Variants in LRRC74A observed in about 807,000 individuals in gnomAD.
The protein encoded by LRRC74A is leucine rich repeat containing 74A.
Under a neutral mutation model 57.9 loss-of-function variants are expected in LRRC74A, and 44 were observed. That is an observed-to-expected ratio of 0.76 (90% CI 0.60 to 0.98). LRRC74A has a LOEUF of 0.98. Among genes scored for constraint, LRRC74A ranks in the 50% least tolerant of loss-of-function variants. The pLI, the probability that LRRC74A is intolerant of heterozygous loss-of-function variation, is 0.00. For missense variants in LRRC74A, 572 were observed against 574.0 expected, an observed-to-expected ratio of 1.00 and a Z score of 0.04; for synonymous variants, 211 against 219.4, an observed-to-expected ratio of 0.96 and a Z score of 0.34.
intron 11 of LRRC74A, among the ~76,000 whole-genome samples, chr14:76,862,536 C>CAA (rs67527511): frequency 6.9e-6 from 1 of 145,964 alleles, no homozygotes; most frequent in Admixed American, 6.8e-5. Context: ...GACTCTGTCT[C>CAA]AAAAAAAAAA....
rs775542035 is a variant in LRRC74A, at chr14:76,844,412, CCTCA to C, written c.545-8_545-5del. On this transcript the variant is annotated splice_polypyrimidine_tract_variant and splice_region_variant and intron_variant, in intron 5 of 13. Transcript: ENST00000689127. ...TAGCAGTGCATCACTGACACACCACCCTCACTACAGGAAATGACTTCAAGGAAGA... is the reference window on the plus strand; with the variant it reads ...TAGCAGTGCATCACTGACACACCACCCTACAGGAAATGACTTCAAGGAAGA... 14 of 1,611,910 alleles carry C rather than the reference CCTCA, an allele frequency of 8.7e-6. No homozygotes were observed. The highest frequency in any genetic ancestry group is 4.0e-5 in the African/African-American group (3 of 74,982).
intron 9 of LRRC74A, among the ~76,000 whole-genome samples, chr14:76,853,661 A>G (rs1897681590): frequency 1.3e-5 from 2 of 151,816 alleles, no homozygotes; most frequent in Admixed American, 1.3e-4. Flanking sequence ...CCTTCCTCCC[A>G]TCTGGGTCTC....
intron 7 of LRRC74A, among the ~76,000 whole-genome samples, chr14:76,845,368 AG>A (rs1897053568): frequency 7.1e-6 from 1 of 141,404 alleles, no homozygotes; most frequent in African/African-American, 2.6e-5. Context: ...GGGGAAGGGA[AG>A]GGGAAGAGGG....
At chr14:76,863,185 AGTGTGT>A (rs112669509) in intron 11 of LRRC74A, among the ~76,000 whole-genome samples, 27 of 145,318 alleles carry the variant, frequency 1.9e-4, no homozygotes, top group South Asian at 1.8e-3. Context: ...CATGCATGTG[AGTGTGT>A]GTGTGTGTGT....
chr14:76,828,727 C>G, intron 2 of LRRC74A: 1 of 493,464 alleles, frequency 2.0e-6, no homozygotes, highest in Non-Finnish European at 4.0e-6. Context: ...CGTGGGGCAT[C>G]CTATGCAATC....
At position 76,866,066 on chromosome 14, in the gene LRRC74A, G is replaced by A. The variant is rs1352649038; in HGVS notation, c.1299G>A (p.Val433=). The A allele has an allele frequency of 2.6e-6, 4 of 1,549,758 alleles. No homozygotes were observed. Among genetic ancestry groups the A allele is most frequent in the Admixed American group, 1.8e-5 (1 of 56,756 alleles). Residue 433 remains valine (V), a synonymous_variant, in exon 12 of 14, where the codon GTG becomes GTA. Coordinates refer to ENST00000689127, the MANE Select transcript of LRRC74A (RefSeq NM_001385106.1). ...TGTCTGTGGATGAGTTCCAGAAAGTGATGATAGAGGTGTGCTGGGTCCTAG... is the reference window on the plus strand; with the variant it reads ...TGTCTGTGGATGAGTTCCAGAAAGTAATGATAGAGGTGTGCTGGGTCCTAG... ...MKMSVDEFQK[V]MIEQNKVPLN...
At chr14:76,868,383 T>G (rs929252731) in intron 13 of LRRC74A, among the ~76,000 whole-genome samples, 3 of 152,100 alleles carry the variant, frequency 2.0e-5, no homozygotes, top group Admixed American at 2.0e-4. Context: ...GTGGGGTGAT[T>G]ACTTGAGCTC....
intron 2 of LRRC74A, chr14:76,829,264 G>A: frequency 8.8e-7 from 1 of 1,131,284 alleles, no homozygotes; most frequent in Non-Finnish European, 1.2e-6. Context: ...CAGCAGAGAT[G>A]GAGGAAGGCC....
intron 7 of LRRC74A, among the ~76,000 whole-genome samples, chr14:76,847,338 C>T (rs947805669): frequency 6.6e-6 from 1 of 152,144 alleles, no homozygotes; most frequent in African/African-American, 2.4e-5. Context: ...GGTGCATATA[C>T]ACCACGGAAT....
chr14:76,832,586 G>C (rs565819105), intron 3 of LRRC74A, among the ~76,000 whole-genome samples: 3 of 152,204 alleles, frequency 2.0e-5, no homozygotes, highest in Non-Finnish European at 1.5e-5. Context: ...GGGATTACAG[G>C]CATAAGCCAC....
intron 7 of LRRC74A, 54 bp downstream of exon 7, chr14:76,844,955 T>C: frequency 5.7e-6 from 5 of 874,134 alleles, no homozygotes; most frequent in Non-Finnish European, 7.6e-6. Context: ...GAAGAATCAC[T>C]TGGCAGAGCG....
At chr14:76,838,544 G>C (rs769933510) in intron 5 of LRRC74A, among the ~76,000 whole-genome samples, 1 of 152,200 alleles carries the variant, frequency 6.6e-6, no homozygotes, top group Non-Finnish European at 1.5e-5. Context: ...TGAATGACTA[G>C]TTTCCAGAAG....
rs1386147510 is a variant in LRRC74A at position 76,853,284 on chromosome 14, A to T, written c.831A>T (p.Leu277=). The T allele has an allele frequency of 6.2e-7, 1 of 1,613,620 alleles. No individual in the cohort carries two copies. Among genetic ancestry groups the T allele is most frequent in the African/African-American group, 1.3e-5 (1 of 75,016 alleles). Residue 277 remains leucine (L), a synonymous_variant, in exon 9 of 14, where the codon CTA becomes CTT. Transcript: ENST00000689127. The stretch of plus-strand genomic sequence containing the variant: ...TTGGGAATGAGGTGGCTCTGGCCCT[A>T]GGGGAAGTCCTCCGACTCAACCGCT... The part of the protein sequence containing the change: ...NGFGNEVALA[L]GEVLRLNRCL...
At chr14:76,850,141 G>T (rs1595374865) in intron 7 of LRRC74A, among the ~76,000 whole-genome samples, 1 of 152,084 alleles carries the variant, frequency 6.6e-6, no homozygotes, top group South Asian at 2.1e-4. Context: ...CTGGAAGGTG[G>T]AGCTTGCAGT....
In LRRC74A at chr14:76,869,068, T is replaced by C. The variant is rs61989438; in HGVS notation, c.1392-1057T>C. 2.0e-3 allele frequency among the ~76,000 whole-genome samples: 187 copies of C among 93,060 alleles called. 2 individuals are homozygous for C. The highest frequency in any genetic ancestry group is 4.1e-3 in the African/African-American group (93 of 22,758). 61.1% of individuals were successfully genotyped at this position (93,060 alleles called of 152,430 possible). A position where few individuals can be genotyped will look rare whatever the true frequency, so the allele number is the denominator to read the frequency against. ...CCTGTGCTGCTCAGCGGCCTGTCCC[T>C]GTGCCTCCTCACCTGCCCCGTGCCT... On this transcript the variant is annotated intron_variant, in intron 13 of 13. Transcript: ENST00000689127.
intron 9 of LRRC74A, among the ~76,000 whole-genome samples, chr14:76,856,598 G>GGATA (rs1457589948): frequency 6.6e-6 from 1 of 151,356 alleles, no homozygotes; most frequent in Non-Finnish European, 1.5e-5. Context: ...ATGGATGGAT[G>GGATA]GATGACAGGT....
In LRRC74A at chr14:76,853,490, G is replaced by A. The variant is rs1897670352; in HGVS notation, c.957+80G>A. Reference sequence around the variant, plus strand: ...GTGTATGTGTTGGGATAAGTTGGGGGCTGCAGAGTACTGGAGAGAATAATT... The same window carrying A: ...GTGTATGTGTTGGGATAAGTTGGGGACTGCAGAGTACTGGAGAGAATAATT... On this transcript the variant is annotated intron_variant, in intron 9 of 13. Transcript: ENST00000689127. The A allele has an allele frequency of 3.9e-6, 5 of 1,297,008 alleles. No individual in the cohort carries two copies. The South Asian group carries it at 5.3e-5, about 14-fold the overall frequency. The allele number at this position is 1,297,008 out of a possible 1,614,324, so 80.3% of individuals were successfully genotyped here. A position where few individuals can be genotyped will look rare whatever the true frequency, so the allele number is the denominator to read the frequency against.
At chr14:76,863,034 G>A (rs1898441513) in intron 11 of LRRC74A, among the ~76,000 whole-genome samples, 1 of 152,148 alleles carries the variant, frequency 6.6e-6, no homozygotes, top group African/African-American at 2.4e-5. Context: ...AACCAAACAA[G>A]CACACTATTG....
intron 3 of LRRC74A, among the ~76,000 whole-genome samples, chr14:76,833,257 A>G (rs779986950): frequency 3.9e-5 from 6 of 152,122 alleles, no homozygotes; most frequent in Non-Finnish European, 8.8e-5. Flanking sequence ...ATGTCTATTC[A>G]GTTATGAAAT....
Sources: gnomAD v4.1 joint callset for allele counts (sites outside exome capture counted in the v4.1 genomes callset) on GRCh38, gnomAD v4.1.1 for gene constraint, MANE v1.5 for transcripts, NCBI Gene and HGNC (gene_info 2026-07-23, HGNC 2026-07-21) for gene names.